DYM: variants seen among roughly 807,000 people sequenced by gnomAD.
DYM encodes dymeclin, also known as dyggve-Melchior-Clausen syndrome protein.
Under a neutral mutation model 93.1 loss-of-function variants are expected in DYM, and 78 were observed. The observed-to-expected ratio is 0.84, with a 90% CI of 0.70 to 1.01. The LOEUF is 1.01. Among genes scored for constraint, DYM ranks in the 50% least tolerant of loss-of-function variants. The probability of loss-of-function intolerance (pLI) is 0.00; values close to 1 mark genes in which losing one functional copy is unlikely to be tolerated. For synonymous variants in DYM, 321 were observed against 319.7 expected (o/e 1.00, Z -0.04); for missense variants, 789 against 845.0 (o/e 0.93, Z 0.82).
chr18:49,283,408 C>A (rs536050274), intron 9 of DYM, among the ~76,000 whole-genome samples: 1 of 151,758 alleles, frequency 6.6e-6, no homozygotes, highest in Admixed American at 6.6e-5. Flanking sequence ...ACCTAATTGA[C>A]TATAACTGTT....
chr18:49,045,391 C>T (rs1342400145), intron 17 of DYM, among the ~76,000 whole-genome samples: 1 of 152,208 alleles, frequency 6.6e-6, no homozygotes, highest in Non-Finnish European at 1.5e-5. Context: ...ATGAAGCAAT[C>T]AACCAAGTAT....
At chr18:49,108,652 A>G (rs2081105805) in intron 16 of DYM, among the ~76,000 whole-genome samples, 1 of 152,220 alleles carries the variant, frequency 6.6e-6, no homozygotes, top group African/African-American at 2.4e-5. Flanking sequence ...TTACGGCCCC[A>G]TACATGGTCT....
At chr18:49,315,881 G>A (rs1463475416) in intron 8 of DYM, among the ~76,000 whole-genome samples, 1 of 152,096 alleles carries the variant, frequency 6.6e-6, no homozygotes, top group East Asian at 1.9e-4. Flanking sequence ...CCAGTCTATT[G>A]AAGAAAAATA....
chr18:49,300,198 C>T (rs1307593032), intron 8 of DYM, among the ~76,000 whole-genome samples: 1 of 150,216 alleles, frequency 6.7e-6, no homozygotes, highest in South Asian at 2.1e-4. Context: ...TTATCAGAAA[C>T]AATCAACAAT....
chr18:49,431,522 A>T (rs1393635768), intron 1 of DYM, among the ~76,000 whole-genome samples: 1 of 152,234 alleles, frequency 6.6e-6, no homozygotes, highest in Non-Finnish European at 1.5e-5. Context: ...GTCTCCCTTA[A>T]ATCACACTTA....
chr18:49,262,480 A>G (rs1174270303), intron 11 of DYM, among the ~76,000 whole-genome samples: 1 of 152,210 alleles, frequency 6.6e-6, no homozygotes, highest in Non-Finnish European at 1.5e-5. Flanking sequence ...GGTCAGTTAC[A>G]GTAGCTCTAA....
chr18:49,083,707 CTTTT>C lies in DYM; in HGVS notation c.2025+13691_2025+13694del, dbSNP rs1198378745. Among the ~76,000 whole-genome samples, 4 of 152,202 alleles carry C rather than the reference CTTTT, an allele frequency of 2.6e-5. No individual in the cohort carries two copies. The East Asian group carries it at 5.8e-4, about 22-fold the overall frequency. On this transcript the variant is annotated intron_variant, in intron 17 of 17. Coordinates refer to ENST00000675505, the MANE Select transcript of DYM (RefSeq NM_001353214.3). Reference sequence around the variant, plus strand: ...TAGGTCTATTCAGTTTTTAATATTTCTTTTTAAGTCAGTTTTGATAATTTGTATA... The same window carrying C: ...TAGGTCTATTCAGTTTTTAATATTTCTAAGTCAGTTTTGATAATTTGTATA...
intron 17 of DYM, among the ~76,000 whole-genome samples, chr18:49,091,128 T>C (rs998257096): frequency 1.3e-5 from 2 of 152,150 alleles, no homozygotes; most frequent in African/African-American, 4.8e-5. Context: ...AGGCCCATTG[T>C]TCGTTGGTAT....
At chr18:49,208,209 A>G (rs1473501988) in intron 14 of DYM, among the ~76,000 whole-genome samples, 2 of 150,954 alleles carry the variant, frequency 1.3e-5, no homozygotes, top group Non-Finnish European at 3.0e-5. Flanking sequence ...AAAAAATTAA[A>G]AAGAAAAAGA....
At chr18:49,213,882 C>G (rs538778474) in intron 13 of DYM, among the ~76,000 whole-genome samples, 2 of 152,022 alleles carry the variant, frequency 1.3e-5, no homozygotes, top group Admixed American at 6.5e-5. Context: ...TAAAAGAAAT[C>G]TTGAATAAAT....
chr18:49,384,714 CA>C (rs1226626063), intron 3 of DYM, among the ~76,000 whole-genome samples: 1 of 147,162 alleles, frequency 6.8e-6, no homozygotes, highest in Non-Finnish European at 1.5e-5. Context: ...AATGCAATAA[CA>C]GCTAAAACAT....
intron 15 of DYM, among the ~76,000 whole-genome samples, chr18:49,143,280 G>GT (rs2084731171): frequency 6.6e-6 from 1 of 152,130 alleles, no homozygotes; most frequent in Non-Finnish European, 1.5e-5. Flanking sequence ...GACTTGCAGT[G>GT]TAAGTTTATT....
intron 15 of DYM, among the ~76,000 whole-genome samples, chr18:49,155,345 C>A (rs2086280350): frequency 6.6e-6 from 1 of 152,206 alleles, no homozygotes; most frequent in Non-Finnish European, 1.5e-5. Flanking sequence ...CTCTTTTTCC[C>A]CCCGTGCTCA....
In DYM at chr18:49,260,591, A is replaced by T. The variant is rs191968696; in HGVS notation, c.1252-2098T>A. 4.8e-4 allele frequency among the ~76,000 whole-genome samples: 73 copies of T among 152,318 alleles called. No homozygotes were observed. The East Asian group carries it at 0.014, about 29-fold the overall frequency. ...AAAAATCATGAAAAACAATCAAAAC[A>T]TTCTCGCAAGATTAATGAATTTGCA... On this transcript the variant is annotated intron_variant, in intron 11 of 17. Coordinates refer to ENST00000675505, the MANE Select transcript of DYM (RefSeq NM_001353214.3).
At chr18:49,148,384 C>G (rs1203083551) in intron 15 of DYM, among the ~76,000 whole-genome samples, 7 of 151,308 alleles carry the variant, frequency 4.6e-5, no homozygotes, top group Non-Finnish European at 8.8e-5. Flanking sequence ...AGAAAATGTA[C>G]TTTAAGATAC....
chr18:49,084,323 T>C (rs1283473471), intron 17 of DYM, among the ~76,000 whole-genome samples: 1 of 152,210 alleles, frequency 6.6e-6, no homozygotes, highest in Non-Finnish European at 1.5e-5. Flanking sequence ...TCAATAAACA[T>C]ATCTGTTTGA....
chr18:49,138,568 C>T (rs1478856747), intron 15 of DYM, among the ~76,000 whole-genome samples: 3 of 152,222 alleles, frequency 2.0e-5, no homozygotes, highest in East Asian at 3.9e-4. Context: ...GTTTTATTAA[C>T]GTCTTCAGAT....
chr18:49,080,671 G>A (rs1412843721), intron 17 of DYM, among the ~76,000 whole-genome samples: 1 of 148,608 alleles, frequency 6.7e-6, no homozygotes, highest in African/African-American at 2.5e-5. Flanking sequence ...CGGACGGGGC[G>A]GCTGCCGGGC....
At chr18:49,379,797 G>C (rs2067868969) in intron 3 of DYM, 39 bp from the exon 4 acceptor site, 2 of 1,496,308 alleles carry the variant, frequency 1.3e-6, no homozygotes, top group Non-Finnish European at 1.9e-6. Flanking sequence ...TTAAATTTAA[G>C]AACTAAAATC....
Sources: allele counts gnomAD v4.1 joint callset (sites outside exome capture counted in the v4.1 genomes callset), GRCh38; gene constraint gnomAD v4.1.1; transcripts MANE v1.5; gene names NCBI Gene and HGNC (gene_info 2026-07-23, HGNC 2026-07-21).